CLVS1: variants seen among roughly 807,000 people sequenced by gnomAD.
The protein encoded by CLVS1 is clavesin 1.
A neutral mutation model predicts 33.1 loss-of-function variants in CLVS1; 10 were observed. That is an observed-to-expected ratio of 0.30 (90% CI 0.19 to 0.51). The LOEUF is 0.51. CLVS1 is among the 20% of genes least tolerant of loss of function. The pLI, the probability that CLVS1 is intolerant of heterozygous loss-of-function variation, is 0.97. For synonymous variants in CLVS1, 163 were observed against 166.1 expected, an observed-to-expected ratio of 0.98 and a Z score of 0.14; for missense variants, 343 against 433.4, an observed-to-expected ratio of 0.79 and a Z score of 1.85.
At chr8:61,137,035 G>A (rs897393479) in intron 2 of CLVS1, among the ~76,000 whole-genome samples, 2 of 152,182 alleles carry the variant, frequency 1.3e-5, no homozygotes, top group Admixed American at 6.5e-5. Flanking sequence ...GTACGAAAGC[G>A]GGTGTCTTCT....
At chr8:61,167,622 C>T (rs969139039) in intron 2 of CLVS1, among the ~76,000 whole-genome samples, 2 of 152,154 alleles carry the variant, frequency 1.3e-5, no homozygotes, top group East Asian at 3.8e-4. Context: ...TGAATAGGAC[C>T]TGGGTAAAAT....
rs73685022 is a variant in CLVS1 at position 61,433,819 on chromosome 8, C to T, written c.631-20322C>T. On this transcript the variant is annotated intron_variant, in intron 3 of 5. Coordinates refer to ENST00000325897, the MANE Select transcript of CLVS1 (RefSeq NM_173519.3). ...GTCCTGGCTACCTGGGAGGCCGAGG[C>T]AGGAGAATTGCTTAAACCCAGGAAG... 7.2e-3 allele frequency among the ~76,000 whole-genome samples: 1,094 copies of T among 152,092 alleles called. 16 individuals carry two copies. The highest frequency in any genetic ancestry group is 0.025 in the African/African-American group (1,055 of 41,486).
intron 2 of CLVS1, among the ~76,000 whole-genome samples, chr8:61,365,713 G>A (rs149997836): frequency 3.9e-5 from 6 of 151,942 alleles, no homozygotes; most frequent in Admixed American, 3.9e-4. Context: ...AATCATCTCC[G>A]AAGTCATATG....
intron 1 of CLVS1, among the ~76,000 whole-genome samples, chr8:61,119,032 C>T (rs1242221513): frequency 6.6e-6 from 1 of 152,144 alleles, no homozygotes; most frequent in African/African-American, 2.4e-5. Context: ...TCACTCAGGA[C>T]TTGCTTTATG....
intron 1 of CLVS1, among the ~76,000 whole-genome samples, chr8:61,128,477 T>C (rs2129290693): frequency 6.6e-6 from 1 of 152,356 alleles, no homozygotes; most frequent in South Asian, 2.1e-4. Context: ...TACATCTTTT[T>C]CTTTCTAACA....
intron 2 of CLVS1, among the ~76,000 whole-genome samples, chr8:61,308,335 C>T (rs1810704465): frequency 6.6e-6 from 1 of 152,198 alleles, no homozygotes; most frequent in African/African-American, 2.4e-5. Context: ...CTTCCAATTA[C>T]AAGCTCATCC....
intron 2 of CLVS1, among the ~76,000 whole-genome samples, chr8:61,153,465 G>A (rs1403899344): frequency 6.6e-6 from 1 of 152,252 alleles, no homozygotes; most frequent in African/African-American, 2.4e-5. Context: ...GATGGTGGCT[G>A]TGGGCAAGGG....
chr8:61,276,693 T>C (rs1174802524), intron 2 of CLVS1, among the ~76,000 whole-genome samples: 1 of 152,240 alleles, frequency 6.6e-6, no homozygotes, highest in East Asian at 1.9e-4. Context: ...GTAAGTATTC[T>C]ATTACTGAAA....
At chr8:61,236,492 C>T (rs541052070) in intron 2 of CLVS1, among the ~76,000 whole-genome samples, 29 of 152,282 alleles carry the variant, frequency 1.9e-4, no homozygotes, top group South Asian at 1.7e-3. Flanking sequence ...GTCTGTTGCT[C>T]GCTTGCTCAG....
At chr8:61,088,946 C>G (rs534898336) in intron 1 of CLVS1, among the ~76,000 whole-genome samples, 4 of 151,866 alleles carry the variant, frequency 2.6e-5, no homozygotes, top group Non-Finnish European at 5.9e-5. Context: ...GGACTACAGG[C>G]GCCTGCCACT....
At chr8:61,443,604 C>A (rs1469450410) in intron 3 of CLVS1, among the ~76,000 whole-genome samples, 15 of 152,156 alleles carry the variant, frequency 9.9e-5, no homozygotes, top group Non-Finnish European at 1.9e-4. Context: ...ATCTATATAT[C>A]TTTTCCTCCA....
chr8:60,997,713 A>G, the CLVS1 span, among the ~76,000 whole-genome samples: 1 of 152,148 alleles, frequency 6.6e-6, no homozygotes, highest in Non-Finnish European at 1.5e-5. Context: ...AGGTCGAGGC[A>G]TGCTCTCCAC....
chr8:61,057,928 C>G (rs902988046), intron 1 of CLVS1, among the ~76,000 whole-genome samples: 4 of 152,164 alleles, frequency 2.6e-5, no homozygotes, highest in Non-Finnish European at 5.9e-5. Flanking sequence ...AGGGCTTAGA[C>G]TCGAAAATGT....
Position 61,376,721 on chromosome 8 carries a change from T to C in CLVS1, c.572T>C (p.Phe191Ser). ...ATTATAGACTGGAGTAATTTTTCCT[T>C]CAAACAAGCCTCCAAACTGACACCT... is the stretch of plus-strand genomic sequence containing the variant. ...ILIIDWSNFS[F>S]KQASKLTPSI... Residue 191 changes from phenylalanine to serine, a missense_variant, in exon 3 of 6, where the codon TTC (phenylalanine) becomes TCC (serine). By Grantham distance (155) the Phe-to-Ser change is radical. This residue lies in a region of CLVS1 where 166 missense variants were observed against 244.0 expected (regional missense o/e 0.68). Coordinates refer to ENST00000325897, the MANE Select transcript of CLVS1 (RefSeq NM_173519.3). 5 of 1,614,132 alleles carry C rather than the reference T, an allele frequency of 3.1e-6. No individual in the cohort carries two copies. The highest frequency in any genetic ancestry group is 4.2e-6 in the Non-Finnish European group (5 of 1,180,000).
the CLVS1 span, among the ~76,000 whole-genome samples, chr8:61,013,840 C>T: frequency 3.3e-5 from 5 of 152,268 alleles, no homozygotes; most frequent in South Asian, 1.0e-3. Context: ...TCATGTGATC[C>T]AGCTGCCCTC....
chr8:60,982,428 C>T, the CLVS1 span, among the ~76,000 whole-genome samples: 2 of 152,308 alleles, frequency 1.3e-5, no homozygotes, highest in East Asian at 1.9e-4. Context: ...GGGTCTCTTC[C>T]TTTCTCAGTT....
rs375531968 is a variant in CLVS1 at position 61,131,835 on chromosome 8, C to T, written c.-177C>T. On this transcript the variant is annotated 5_prime_UTR_variant, in exon 2 of 3. Transcript: ENST00000522621. ...CTGGGAATTTATTTTCATCGTGGACCGGACTTTTTATCAGCCAGGAAAAAG... is the reference window on the plus strand; with the variant it reads ...CTGGGAATTTATTTTCATCGTGGACTGGACTTTTTATCAGCCAGGAAAAAG... 13 of 152,140 alleles carry T rather than the reference C, an allele frequency of 8.5e-5. No individual in the cohort carries two copies. The East Asian group carries it at 9.6e-4, about 11-fold the overall frequency. The allele number at this position is 152,140 out of a possible 1,614,324, so 9.4% of individuals were successfully genotyped here.
intron 2 of CLVS1, among the ~76,000 whole-genome samples, chr8:61,143,616 C>A (rs1330546141): frequency 6.6e-6 from 1 of 151,912 alleles, no homozygotes; most frequent in African/African-American, 2.4e-5. Context: ...CTTTTATGAG[C>A]AGCCTGCCCT....
intron 2 of CLVS1, among the ~76,000 whole-genome samples, chr8:61,226,053 T>G (rs1808321732): frequency 6.6e-6 from 1 of 152,258 alleles, no homozygotes; most frequent in East Asian, 1.9e-4. Context: ...ACATTTTATG[T>G]AAGCTTTTTA....
Sources: gnomAD v4.1 joint callset for allele counts (sites outside exome capture counted in the v4.1 genomes callset) on GRCh38, gnomAD v4.1.1 for gene constraint, gnomAD v4.1.1 regional missense constraint, MANE v1.5 for transcripts, NCBI Gene and HGNC (gene_info 2026-07-23, HGNC 2026-07-21) for gene names.